UBASH3B: variants seen among roughly 807,000 people sequenced by gnomAD.
UBASH3B encodes the protein ubiquitin associated and SH3 domain containing B.
UBASH3B carries 37 observed loss-of-function variants against 83.4 expected under a neutral mutation model. The observed-to-expected ratio is 0.44, with a 90% CI of 0.34 to 0.58. The LOEUF is 0.58. Ranked by LOEUF, UBASH3B falls within the 20% of genes least tolerant of loss-of-function variation. The pLI is 0.01. For synonymous variants in UBASH3B, 304 were observed against 318.3 expected (o/e 0.96, Z 0.48); for missense variants, 657 against 827.2 (o/e 0.79, Z 2.52).
chr11:122,790,295 G>A (rs968231442), intron 6 of UBASH3B, among the ~76,000 whole-genome samples: 1 of 152,068 alleles, frequency 6.6e-6, no homozygotes, highest in African/African-American at 2.4e-5. Context: ...CCAAAGATGG[G>A]AAAGAATATT....
Position 122,683,743 on chromosome 11 carries a change from T to TTG in UBASH3B, c.161+27566_161+27567dup, listed in dbSNP as rs57305276. On this transcript the variant is annotated intron_variant, in intron 1 of 13. Transcript: ENST00000284273. The stretch of plus-strand genomic sequence containing the variant: ...CAATTGCCTTATAATTAAAAAAAAA[T>TTG]TGTGTGTGTGTGTGTGTGTGTGTGT... Among the ~76,000 whole-genome samples the TTG allele has an allele frequency of 6.4e-3, 637 of 99,102 alleles. 4 individuals carry two copies. Among genetic ancestry groups the TTG allele is most frequent in the Middle Eastern group, 0.013 (2 of 150 alleles). 65.0% of individuals were successfully genotyped at this position (99,102 alleles called of 152,430 possible). A position where few individuals can be genotyped will look rare whatever the true frequency, so the allele number is the denominator to read the frequency against.
intron 11 of UBASH3B, among the ~76,000 whole-genome samples, chr11:122,802,313 GAAAAAAAA>G (rs147011358): frequency 9.1e-5 from 6 of 66,214 alleles, no homozygotes; most frequent in African/African-American, 2.1e-4. Context: ...GACTCTGTCT[GAAAAAAAA>G]AAAAAAAAAA....
intron 1 of UBASH3B, among the ~76,000 whole-genome samples, chr11:122,659,122 G>A (rs1863400773): frequency 6.6e-6 from 1 of 152,044 alleles, no homozygotes; most frequent in African/African-American, 2.4e-5. Context: ...GGATACATGT[G>A]GTTGTACTTA....
At chr11:122,794,055 G>T (rs951980888) in intron 6 of UBASH3B, among the ~76,000 whole-genome samples, 1 of 152,184 alleles carries the variant, frequency 6.6e-6, no homozygotes, top group Non-Finnish European at 1.5e-5. Flanking sequence ...GCTGCAAACA[G>T]ATCATTGATA....
intron 1 of UBASH3B, among the ~76,000 whole-genome samples, chr11:122,662,590 C>G (rs1378671789): frequency 6.6e-6 from 1 of 152,048 alleles, no homozygotes; most frequent in East Asian, 1.9e-4. Flanking sequence ...CACCATCACG[C>G]CTGGCTAATT....
intron 1 of UBASH3B, among the ~76,000 whole-genome samples, chr11:122,736,315 G>A (rs753032175): frequency 2.6e-5 from 4 of 151,452 alleles, no homozygotes; most frequent in African/African-American, 4.9e-5. Context: ...GAGTTTTTTC[G>A]GACACAACCT....
rs1356408520 is a variant in UBASH3B at position 122,690,187 on chromosome 11, TA to T, written c.161+33978del. ...GAAAACATATATATATATATATATA[TA>T]TATATATATATATATATATATCCAA... On this transcript the variant is annotated intron_variant, in intron 1 of 13. Coordinates refer to ENST00000284273, the MANE Select transcript of UBASH3B (RefSeq NM_032873.5). Among the ~76,000 whole-genome samples, 45 of 21,874 alleles carry T rather than the reference TA, an allele frequency of 2.1e-3. 2 individuals are homozygous for T. Among genetic ancestry groups the T allele is most frequent in the East Asian group, 9.1e-3 (2 of 220 alleles). The allele number at this position is 21,874 out of a possible 152,430, so 14.4% of individuals were successfully genotyped here.
At chr11:122,801,166 T>C in intron 10 of UBASH3B, 22 bp from the exon 11 acceptor site, 1 of 1,610,472 alleles carries the variant, frequency 6.2e-7, no homozygotes. Context: ...TTTCTTCATC[T>C]TCACTGTATT....
chr11:122,742,903 C>T (rs1234679829), intron 1 of UBASH3B, among the ~76,000 whole-genome samples: 1 of 152,214 alleles, frequency 6.6e-6, no homozygotes, highest in African/African-American at 2.4e-5. Context: ...AGTGACCCCA[C>T]CTCCTGAACA....
At position 122,807,921 on chromosome 11, in the gene UBASH3B, C is replaced by T. The variant is rs113804914; in HGVS notation, c.1703-146C>T. 2.1e-3 allele frequency: 1,499 copies of T among 697,672 alleles called. 15 individuals carry two copies. In the African/African-American group the frequency reaches 0.022, roughly 10 times the overall value. 43.2% of individuals were successfully genotyped at this position (697,672 alleles called of 1,614,324 possible). A position where few individuals can be genotyped will look rare whatever the true frequency, so the allele number is the denominator to read the frequency against. On this transcript the variant is annotated intron_variant, in intron 12 of 13. Coordinates refer to ENST00000284273, the MANE Select transcript of UBASH3B (RefSeq NM_032873.5). ...AAAGATTAAGCTGCCTTATCAGTAA[C>T]AAAGCACTTTCAAAATATTGCTTAG...
intron 4 of UBASH3B, chr11:122,782,594 C>T (rs1348221406): frequency 6.5e-6 from 1 of 153,318 alleles, no homozygotes; most frequent in East Asian, 1.9e-4. Context: ...CTTTTCCCCT[C>T]ATTTCTCCAT....
At chr11:122,808,709 C>A (rs1187346196) in intron 13 of UBASH3B, among the ~76,000 whole-genome samples, 2 of 152,206 alleles carry the variant, frequency 1.3e-5, no homozygotes, top group East Asian at 1.9e-4. Context: ...CAGCTGCCTC[C>A]CACACACTTC....
At chr11:122,663,927 G>A (rs1863481161) in intron 1 of UBASH3B, among the ~76,000 whole-genome samples, 2 of 152,186 alleles carry the variant, frequency 1.3e-5, no homozygotes, top group Admixed American at 6.5e-5. Flanking sequence ...GCCAAACCAC[G>A]CAAACAGCTG....
chr11:122,785,156 T>G (rs1860925339), intron 5 of UBASH3B, among the ~76,000 whole-genome samples: 1 of 152,182 alleles, frequency 6.6e-6, no homozygotes, highest in African/African-American at 2.4e-5. Flanking sequence ...TCAATTGGCA[T>G]GGAAGGAAAA....
chr11:122,794,843 G>A lies in UBASH3B; in HGVS notation c.1113+9G>A, dbSNP rs1184518076. On this transcript the variant is annotated intron_variant, in intron 7 of 13. Coordinates refer to ENST00000284273, the MANE Select transcript of UBASH3B (RefSeq NM_032873.5). ...TCTGCCAGCCCATGCAGGTAAGGCTGATTGCTAGGGTCACACCCCCAACTC... is the reference window on the plus strand; with the variant it reads ...TCTGCCAGCCCATGCAGGTAAGGCTAATTGCTAGGGTCACACCCCCAACTC... 13 of 1,613,006 alleles carry A rather than the reference G, an allele frequency of 8.1e-6. No individual in the cohort carries two copies. The highest frequency in any genetic ancestry group is 8.5e-6 in the Non-Finnish European group (10 of 1,179,916).
intron 1 of UBASH3B, among the ~76,000 whole-genome samples, chr11:122,719,298 A>C (rs1360806116): frequency 6.6e-6 from 1 of 152,232 alleles, no homozygotes; most frequent in Non-Finnish European, 1.5e-5. Flanking sequence ...ACCAGTGCTC[A>C]AAATTTTACA....
chr11:122,698,943 C>A (rs1312122071), intron 1 of UBASH3B, among the ~76,000 whole-genome samples: 4 of 152,164 alleles, frequency 2.6e-5, no homozygotes, highest in African/African-American at 7.2e-5. Flanking sequence ...ATCCACCTCC[C>A]AGTTCAAGCG....
chr11:122,806,146 G>A lies in UBASH3B; in HGVS notation c.1596-264G>A, dbSNP rs928557615. On this transcript the variant is annotated intron_variant, in intron 11 of 13. Coordinates refer to ENST00000284273, the MANE Select transcript of UBASH3B (RefSeq NM_032873.5). This position sits in a 1 kb window ranked among gnomAD's most constrained non-coding sequence, Gnocchi z 4.0. ...CCATCAATGGCTTATTTGTTATCCC[G>A]AGAGTGAAACATGCACTGAATGTCT... is the stretch of plus-strand genomic sequence containing the variant. Among the ~76,000 whole-genome samples, 14 of 152,134 alleles carry A rather than the reference G, an allele frequency of 9.2e-5. No homozygotes were observed. Among genetic ancestry groups the A allele is most frequent in the African/African-American group, 2.7e-4 (11 of 41,428 alleles).
intron 3 of UBASH3B, chr11:122,779,271 AG>A (rs1385241059): frequency 1.0e-5 from 6 of 587,550 alleles, no homozygotes; most frequent in Non-Finnish European, 1.8e-5. Flanking sequence ...CAGCAAGGAA[AG>A]GAGGGAAGAG....
Sources: gnomAD v4.1 joint callset for allele counts (sites outside exome capture counted in the v4.1 genomes callset) on GRCh38, gnomAD v4.1.1 for gene constraint, Gnocchi (gnomAD v3.1) non-coding constraint, MANE v1.5 for transcripts, NCBI Gene and HGNC (gene_info 2026-07-23, HGNC 2026-07-21) for gene names.